Variants in GRIP1 observed in about 807,000 individuals in gnomAD.
GRIP1 encodes the protein glutamate receptor-interacting protein 1.
Under a neutral mutation model 129.9 loss-of-function variants are expected in GRIP1, and 45 were observed. The observed-to-expected ratio is 0.35, with a 90% CI of 0.27 to 0.44. The LOEUF is 0.44. Ranked by LOEUF, GRIP1 falls within the 20% of genes least tolerant of loss-of-function variation. GRIP1 has a pLI of 1.00. For missense variants in GRIP1, 1,196 were observed against 1,396.8 expected (o/e 0.86, Z 2.29); for synonymous variants, 530 against 520.8 (o/e 1.02, Z -0.24).
chr12:66,988,818 C>T (rs2042353065), intron 1 of GRIP1, among the ~76,000 whole-genome samples: 1 of 152,116 alleles, frequency 6.6e-6, no homozygotes, highest in South Asian at 2.1e-4. Context: ...AAGTTAAATG[C>T]TTATTGATAA....
At chr12:66,474,509 T>A (rs2059544572) in intron 7 of GRIP1, among the ~76,000 whole-genome samples, 1 of 151,892 alleles carries the variant, frequency 6.6e-6, no homozygotes, top group Admixed American at 6.6e-5. Context: ...GAAGAGCAAC[T>A]CCAAGACACA....
In GRIP1 at chr12:66,678,848, A is replaced by G; in HGVS notation, c.55+2T>C. ...GAGGGAATAACAAGGAAAGCACGAT[A>G]CCTTTAGTAAGTCGCCTCAGAATTT... On this transcript the variant is annotated splice_donor_variant, in intron 1 of 24. Coordinates refer to ENST00000359742, the MANE Select transcript of GRIP1 (RefSeq NM_001366722.1). LOFTEE classifies it high-confidence loss of function. 6.2e-7 allele frequency: 1 copy of G among 1,612,940 alleles called. No homozygotes were observed. Among genetic ancestry groups the G allele is most frequent in the Non-Finnish European group, 8.5e-7 (1 of 1,179,114 alleles).
chr12:67,046,849 A>C, intron 1 of GRIP1, among the ~76,000 whole-genome samples: 1 of 152,138 alleles, frequency 6.6e-6, no homozygotes. Flanking sequence ...CCCTCCTCCT[A>C]CTTTAAAAGA....
chr12:66,715,471 T>TGTGTGTGAGAGAGA (rs761155485), intron 1 of GRIP1, among the ~76,000 whole-genome samples: 3 of 110,056 alleles, frequency 2.7e-5, no homozygotes, highest in African/African-American at 1.0e-4. Context: ...TGTGTGTGTG[T>TGTGTGTGAGAGAGA]GAGAGAGAGA....
chr12:66,981,291 T>C (rs1288490164), intron 1 of GRIP1, among the ~76,000 whole-genome samples: 5 of 80,650 alleles, frequency 6.2e-5, no homozygotes, highest in Admixed American at 1.3e-4. Flanking sequence ...ACTACCTTCT[T>C]ATAATTATTT....
At chr12:66,794,656 AT>A (rs1436010326) in intron 1 of GRIP1, among the ~76,000 whole-genome samples, 2 of 152,186 alleles carry the variant, frequency 1.3e-5, no homozygotes, top group Non-Finnish European at 2.9e-5. Context: ...GCCTTAAACA[AT>A]TACTGAGCAA....
chr12:66,926,679 C>G lies in GRIP1; in HGVS notation c.58+142371G>C, dbSNP rs192414747. Among the ~76,000 whole-genome samples the G allele has an allele frequency of 9.4e-4, 143 of 152,290 alleles. 1 individual carries two copies. The highest frequency in any genetic ancestry group is 3.3e-3 in the African/African-American group (136 of 41,568). ...GTTAGTAGGCCTTCAAGTTATTTTC[C>G]TTCAGACACTAAAGAGGGCAATTTG... On this transcript the variant is annotated intron_variant, in intron 1 of 1. Coordinates refer to the GRIP1 transcript ENST00000643019.
At chr12:66,931,394 A>T (rs1366494562) in intron 1 of GRIP1, among the ~76,000 whole-genome samples, 3 of 152,236 alleles carry the variant, frequency 2.0e-5, no homozygotes, top group Non-Finnish European at 4.4e-5. Flanking sequence ...GAAGAAGAAT[A>T]ACAAAGAATA....
intron 1 of GRIP1, among the ~76,000 whole-genome samples, chr12:66,932,724 A>C (rs1725798244): frequency 6.6e-6 from 1 of 152,118 alleles, no homozygotes; most frequent in African/African-American, 2.4e-5. Context: ...GCTGGAGTGC[A>C]GTGGCATGAT....
chr12:66,383,284 G>A (rs542915742), intron 19 of GRIP1, among the ~76,000 whole-genome samples: 72 of 145,914 alleles, frequency 4.9e-4, no homozygotes, highest in African/African-American at 1.7e-3. Context: ...GCGACAGAGC[G>A]ACACTCTGTC....
At chr12:67,000,670 T>A (rs2042538162) in intron 1 of GRIP1, among the ~76,000 whole-genome samples, 3 of 152,180 alleles carry the variant, frequency 2.0e-5, no homozygotes, top group Non-Finnish European at 4.4e-5. Flanking sequence ...CATCAGCAAG[T>A]CCACGAGGAT....
chr12:66,358,543 C>T (rs1465482945), intron 23 of GRIP1, among the ~76,000 whole-genome samples: 2 of 152,124 alleles, frequency 1.3e-5, no homozygotes, highest in South Asian at 2.1e-4. Flanking sequence ...ACCTCCCAGG[C>T]TCAGGCGATT....
chr12:66,659,486 A>G (rs920407447), intron 1 of GRIP1, among the ~76,000 whole-genome samples: 1 of 152,250 alleles, frequency 6.6e-6, no homozygotes, highest in Non-Finnish European at 1.5e-5. Flanking sequence ...TTTCATAACA[A>G]AATACTTAAA....
intron 5 of GRIP1, among the ~76,000 whole-genome samples, chr12:66,526,378 G>A (rs1485759765): frequency 3.3e-5 from 5 of 152,112 alleles, no homozygotes; most frequent in African/African-American, 4.8e-5. Flanking sequence ...AATGCTGCAT[G>A]TCTACAACCA....
chr12:66,691,509 C>A (rs2034980922), intron 1 of GRIP1, among the ~76,000 whole-genome samples: 1 of 151,926 alleles, frequency 6.6e-6, no homozygotes, highest in Non-Finnish European at 1.5e-5. Flanking sequence ...CAACTTTTAC[C>A]TTTCTTGTTA....
intron 1 of GRIP1, among the ~76,000 whole-genome samples, chr12:67,062,418 G>C (rs1436131044): frequency 6.6e-6 from 1 of 152,030 alleles, no homozygotes. Context: ...CATGCTCCTT[G>C]CCTGAAATTC....
In GRIP1 at chr12:66,536,094, TC is replaced by T. The variant is rs1265024718; in HGVS notation, c.418+2983del. Among the ~76,000 whole-genome samples the T allele has an allele frequency of 2.0e-5, 3 of 152,270 alleles. No individual in the cohort carries two copies. In the East Asian group the frequency reaches 5.8e-4, roughly 29 times the overall value. ...TTTGACTCCTCTTTTTCTGCACAAC[TC>T]ACAAATCCATTAGGTAATCCTGTAG... is the stretch of plus-strand genomic sequence containing the variant. On this transcript the variant is annotated intron_variant, in intron 4 of 24. Transcript: ENST00000359742.
chr12:66,981,864 C>T (rs957393), intron 1 of GRIP1, among the ~76,000 whole-genome samples: 18 of 152,268 alleles, frequency 1.2e-4, no homozygotes, highest in African/African-American at 4.3e-4. Context: ...AAAGTAGTTT[C>T]TAAATGAGAA....
At chr12:66,886,172 A>C (rs2040563372) in intron 1 of GRIP1, among the ~76,000 whole-genome samples, 1 of 152,122 alleles carries the variant, frequency 6.6e-6, no homozygotes, top group African/African-American at 2.4e-5. Context: ...AGGCTGAGGC[A>C]GGAGGATCAT....
Sources: allele counts gnomAD v4.1 joint callset (sites outside exome capture counted in the v4.1 genomes callset), GRCh38; gene constraint gnomAD v4.1.1; transcripts MANE v1.5; gene names NCBI Gene and HGNC (gene_info 2026-07-23, HGNC 2026-07-21).